DNM3: variants seen among roughly 807,000 people sequenced by gnomAD.
DNM3 encodes dynamin-3.
Under a neutral mutation model 101.6 loss-of-function variants are expected in DNM3, and 47 were observed. The ratio of observed to expected loss-of-function variants is 0.46; its 90% CI spans 0.37 to 0.59. The LOEUF (loss-of-function observed/expected upper bound fraction) is 0.59, where lower values mean the gene tolerates loss of function less well. Ranked by LOEUF, DNM3 falls within the 20% of genes least tolerant of loss-of-function variation. The pLI is 0.00. For missense variants in DNM3, 849 were observed against 1,085.7 expected, an observed-to-expected ratio of 0.78 and a Z score of 3.06; for synonymous variants, 385 against 387.9, an observed-to-expected ratio of 0.99 and a Z score of 0.09.
chr1:172,115,007 A>G (rs1431599584), intron 13 of DNM3, among the ~76,000 whole-genome samples: 1 of 152,200 alleles, frequency 6.6e-6, no homozygotes, highest in African/African-American at 2.4e-5. Context: ...AATTATCCCC[A>G]TCAAAATTAT....
In DNM3 at chr1:171,889,689, G is replaced by A. The variant is rs1279265057; in HGVS notation, c.162-32059G>A. ...AAGGCAAAAACAAAAACAAAAATGG[G>A]TTAAAGACAGGAGAAAGAATTTTTT... On this transcript the variant is annotated intron_variant, in intron 1 of 20. Transcript: ENST00000627582. Among the ~76,000 whole-genome samples the A allele has an allele frequency of 2.6e-4, 39 of 152,178 alleles. 1 individual carries two copies. Among genetic ancestry groups the A allele is most frequent in the Admixed American group, 2.6e-3 (39 of 15,274 alleles).
chr1:171,958,071 G>T (rs948618930), intron 2 of DNM3, among the ~76,000 whole-genome samples: 5 of 152,200 alleles, frequency 3.3e-5, no homozygotes, highest in Non-Finnish European at 7.3e-5. Context: ...ATAGTTCCAC[G>T]TGGCTGGGGA....
At chr1:172,374,198 A>T (rs1006705302) in intron 17 of DNM3, among the ~76,000 whole-genome samples, 1 of 152,110 alleles carries the variant, frequency 6.6e-6, no homozygotes, top group Admixed American at 6.6e-5. Flanking sequence ...TTTCAACAAA[A>T]ATTAACTTAA....
chr1:172,127,455 C>T (rs922994644), intron 13 of DNM3, among the ~76,000 whole-genome samples: 11 of 150,318 alleles, frequency 7.3e-5, no homozygotes, highest in Middle Eastern at 3.2e-3. Flanking sequence ...GTTGCCCAGG[C>T]GGGAGTACAG....
intron 15 of DNM3, among the ~76,000 whole-genome samples, chr1:172,294,749 C>CA (rs1409769165): frequency 3.3e-5 from 5 of 150,952 alleles, no homozygotes; most frequent in Admixed American, 6.6e-5. Context: ...CCCATTTCTA[C>CA]AAAAAATACC....
intron 2 of DNM3, chr1:171,987,309 G>T: frequency 1.0e-6 from 1 of 985,272 alleles, no homozygotes; most frequent in Non-Finnish European, 1.2e-6. Context: ...GAACTCAGAG[G>T]TATCCCAGAT....
At chr1:171,861,909 C>T (rs1195113666) in intron 1 of DNM3, among the ~76,000 whole-genome samples, 7 of 151,912 alleles carry the variant, frequency 4.6e-5, no homozygotes, top group East Asian at 1.9e-4. Flanking sequence ...GACAAATAAC[C>T]CAATTAAAAA....
At chr1:172,308,168 G>A (rs973556556) in intron 15 of DNM3, among the ~76,000 whole-genome samples, 1 of 152,128 alleles carries the variant, frequency 6.6e-6, no homozygotes, top group Non-Finnish European at 1.5e-5. Context: ...ATCAGGAAAA[G>A]AAATATAAAA....
chr1:171,859,681 A>G (rs1163226938), intron 1 of DNM3, among the ~76,000 whole-genome samples: 3 of 152,176 alleles, frequency 2.0e-5, no homozygotes, highest in Non-Finnish European at 4.4e-5. Flanking sequence ...GAAGAGGCAT[A>G]TAATAAACAA....
At chr1:172,103,110 C>A (rs889501921) in intron 13 of DNM3, among the ~76,000 whole-genome samples, 4 of 151,998 alleles carry the variant, frequency 2.6e-5, no homozygotes, top group Admixed American at 6.6e-5. Context: ...ACACCCTTGA[C>A]CCCCACCCAA....
At chr1:171,853,738 C>T (rs1270011085) in intron 1 of DNM3, among the ~76,000 whole-genome samples, 4 of 152,134 alleles carry the variant, frequency 2.6e-5, no homozygotes, top group Admixed American at 6.5e-5. Context: ...TGACAGCATC[C>T]TGCCCTCTCA....
intron 20 of DNM3, among the ~76,000 whole-genome samples, chr1:172,401,942 C>T (rs2070520316): frequency 6.6e-6 from 1 of 152,162 alleles, no homozygotes; most frequent in South Asian, 2.1e-4. Context: ...TTAGAGCAGA[C>T]ATTCACAAGA....
chr1:172,203,527 A>T (rs765941191), intron 14 of DNM3, among the ~76,000 whole-genome samples: 25 of 152,126 alleles, frequency 1.6e-4, no homozygotes, highest in Non-Finnish European at 3.4e-4. Context: ...ATATGAATCT[A>T]TTTTTGAGGT....
chr1:172,343,016 A>T (rs998372293), intron 17 of DNM3, among the ~76,000 whole-genome samples: 1 of 152,222 alleles, frequency 6.6e-6, no homozygotes, highest in African/African-American at 2.4e-5. Flanking sequence ...CAGTTTTATC[A>T]CAGATCAGGC....
intron 20 of DNM3, 39 bp from the exon 21 acceptor site, chr1:172,407,733 T>C: frequency 1.3e-6 from 2 of 1,594,564 alleles, no homozygotes; most frequent in South Asian, 1.1e-5. Context: ...TGCTAGATAT[T>C]CTACTTGTTT....
At position 172,354,112 on chromosome 1, in the gene DNM3, T is replaced by TGAGAGA. The variant is rs71563205; in HGVS notation, c.1894-24881_1894-24876dup. Among the ~76,000 whole-genome samples, 558 of 94,954 alleles carry TGAGAGA rather than the reference T, an allele frequency of 5.9e-3. 8 individuals carry two copies. The highest frequency in any genetic ancestry group is 0.042 in the East Asian group (134 of 3,202). 62.3% of individuals were successfully genotyped at this position (94,954 alleles called of 152,430 possible). Reference sequence around the variant, plus strand: ...GGGTGTGTGTGTGTGTGTGTGTGTGTGAGAGAGAGAGAGAGAGAGAGAGAG... The same window carrying TGAGAGA: ...GGGTGTGTGTGTGTGTGTGTGTGTGTGAGAGAGAGAGAGAGAGAGAGAGAGAGAGAG... On this transcript the variant is annotated intron_variant, in intron 17 of 20. Coordinates refer to ENST00000627582, the MANE Select transcript of DNM3 (RefSeq NM_015569.5).
chr1:172,040,337 A>G (rs1294689601), intron 7 of DNM3, among the ~76,000 whole-genome samples: 1 of 152,172 alleles, frequency 6.6e-6, no homozygotes. Flanking sequence ...TCATTCATCC[A>G]TGATTTTGAT....
chr1:172,320,191 A>G (rs2065630890), intron 16 of DNM3, among the ~76,000 whole-genome samples: 5 of 143,348 alleles, frequency 3.5e-5, no homozygotes, highest in Admixed American at 2.8e-4. Context: ...ATGAGAACAC[A>G]TGGACACAGG....
At chr1:172,014,530 G>A (rs1295517830) in intron 4 of DNM3, among the ~76,000 whole-genome samples, 3 of 152,058 alleles carry the variant, frequency 2.0e-5, no homozygotes, top group Admixed American at 2.0e-4. Context: ...GTTTGAAGTT[G>A]CAATTTCCTA....
Sources: gnomAD v4.1 joint callset for allele counts (sites outside exome capture counted in the v4.1 genomes callset) on GRCh38, gnomAD v4.1.1 for gene constraint, MANE v1.5 for transcripts, NCBI Gene and HGNC (gene_info 2026-07-23, HGNC 2026-07-21) for gene names.